CACFD1: variants seen among roughly 807,000 people sequenced by gnomAD.
CACFD1 encodes the protein calcium channel flower domain containing 1.
In CACFD1, 26 loss-of-function variants were observed where a neutral mutation model predicts 21.3. The observed-to-expected ratio is 1.22, with a 90% CI of 0.89 to 1.69. The LOEUF (loss-of-function observed/expected upper bound fraction) is 1.69, where lower values mean the gene tolerates loss of function less well. CACFD1 is among the 40% of genes most tolerant of loss of function. The pLI, the probability that CACFD1 is intolerant of heterozygous loss-of-function variation, is 0.00. For synonymous variants in CACFD1, 121 were observed against 106.6 expected, an observed-to-expected ratio of 1.13 and a Z score of -0.83; for missense variants, 265 against 236.2, an observed-to-expected ratio of 1.12 and a Z score of -0.80.
chr9:133,460,404 C>T (rs1843107798), intron 1 of CACFD1, among the ~76,000 whole-genome samples: 1 of 120,504 alleles, frequency 8.3e-6, no homozygotes. Flanking sequence ...CTTGGTACCC[C>T]GGGCTGGGCT....
rs1554798012 is a variant in CACFD1, at chr9:133,460,191, A to T, written c.121+4A>T. 45 of 1,538,622 alleles carry T rather than the reference A, an allele frequency of 2.9e-5. No individual in the cohort carries two copies. Among genetic ancestry groups the T allele is most frequent in the Non-Finnish European group, 3.8e-5 (44 of 1,143,242 alleles). On this transcript the variant is annotated splice_donor_region_variant and intron_variant, in intron 1 of 4. Coordinates refer to ENST00000316948, the MANE Select transcript of CACFD1 (RefSeq NM_017586.5). Reference sequence around the variant, plus strand: ...TCTGGGGTGCTGGGGGCAGTCTGTGAGTATCCAGTCGGGGAGAGGGGCCGG... The same window carrying T: ...TCTGGGGTGCTGGGGGCAGTCTGTGTGTATCCAGTCGGGGAGAGGGGCCGG...
chr9:133,460,503 GC>G (rs1364236227), intron 1 of CACFD1, among the ~76,000 whole-genome samples: 1 of 148,778 alleles, frequency 6.7e-6, no homozygotes, highest in African/African-American at 2.4e-5. Context: ...CCGGCCTGGG[GC>G]ACGTGACTGA....
rs587626002 is a variant in CACFD1 at position 133,467,847 on chromosome 9, C to G, written c.321-74C>G. 61 of 1,101,736 alleles carry G rather than the reference C, an allele frequency of 5.5e-5. No homozygotes were observed. In the African/African-American group the frequency reaches 8.0e-4, roughly 14 times the overall value. 68.2% of individuals were successfully genotyped at this position (1,101,736 alleles called of 1,614,324 possible). ...TGGGTGTCTAGGAAGGATGCTGGGC[C>G]GAGTCTGGGAAGCGGGGAAGGATGT... On this transcript the variant is annotated intron_variant, in intron 3 of 4. Coordinates refer to ENST00000316948, the MANE Select transcript of CACFD1 (RefSeq NM_017586.5).
Position 133,460,043 on chromosome 9 carries a change from T to G in CACFD1, c.-24T>G. On this transcript the variant is annotated 5_prime_UTR_variant, in exon 1 of 5. Coordinates refer to ENST00000316948, the MANE Select transcript of CACFD1 (RefSeq NM_017586.5). ...GCTACCGAGCCCTTTGTGAGGGCTG[T>G]GAGCTGCGCCTGACGGTGGCACCAT... 1 of 1,543,634 alleles carries G rather than the reference T, an allele frequency of 6.5e-7. No homozygotes were observed. The highest frequency in any genetic ancestry group is 2.5e-5 in the East Asian group (1 of 40,000).
chr9:133,463,567 A>C lies in CACFD1; in HGVS notation c.194+12A>C. The C allele has an allele frequency of 6.2e-7, 1 of 1,613,690 alleles. No individual in the cohort carries two copies. On this transcript the variant is annotated intron_variant, in intron 2 of 4. Transcript: ENST00000316948. ...GGCGTGTGGATGATGTGAGTAATGC[A>C]TGGCCGTCCCACCCCGGGGGTCTTG... is the stretch of plus-strand genomic sequence containing the variant.
At chr9:133,463,098 C>T (rs148989799) in intron 1 of CACFD1, among the ~76,000 whole-genome samples, 3 of 152,360 alleles carry the variant, frequency 2.0e-5, no homozygotes, top group African/African-American at 4.8e-5. Flanking sequence ...AAGGCTGAGT[C>T]TTGGGGGAGC....
In CACFD1 at chr9:133,468,644, G is replaced by A. The variant is rs782144328; in HGVS notation, c.510G>A (p.Gly170=). 1 of 1,576,974 alleles carries A rather than the reference G, an allele frequency of 6.3e-7. No individual in the cohort carries two copies. The highest frequency in any genetic ancestry group is 2.3e-5 in the East Asian group (1 of 43,784). ...AGAAGCTCGCGGAGACCCTGGAGGG[G>A]GAGCTGTGAAGGGCTGGGCGCCCCT... ...DEEKLAETLE[G]EL is the part of the protein sequence containing the mutation. Residue 170 remains glycine, a synonymous_variant, in exon 5 of 5, where the codon GGG becomes GGA. Coordinates refer to ENST00000316948, the MANE Select transcript of CACFD1 (RefSeq NM_017586.5).
Position 133,461,400 on chromosome 9 carries a change from T to C in CACFD1, c.121+1213T>C, listed in dbSNP as rs79504476. Among the ~76,000 whole-genome samples the C allele has an allele frequency of 3.1e-3, 479 of 152,340 alleles. 4 individuals carry two copies. Among genetic ancestry groups the C allele is most frequent in the African/African-American group, 0.011 (442 of 41,572 alleles). ...AAAGGCCCCGAGTTTGTGTCACTGC[T>C]CTTCAGGGCAAGTACGCTTTTGACT... On this transcript the variant is annotated intron_variant, in intron 1 of 4. Coordinates refer to ENST00000316948, the MANE Select transcript of CACFD1 (RefSeq NM_017586.5).
At chr9:133,466,246 C>T (rs1554799533) in intron 3 of CACFD1, among the ~76,000 whole-genome samples, 1 of 152,144 alleles carries the variant, frequency 6.6e-6, no homozygotes, top group Non-Finnish European at 1.5e-5. Context: ...CTTAGGGGTT[C>T]AAAAAACTGT....
chr9:133,460,243 T>TGCCCTGCCCCGCCCC, intron 1 of CACFD1, 56 bp downstream of exon 1: 1 of 1,409,718 alleles, frequency 7.1e-7, no homozygotes. Flanking sequence ...CTCCTCGCCC[T>TGCCCTGCCCCGCCCC]GCCCTGCCCC....
rs782391101 is a variant in CACFD1 at position 133,463,472 on chromosome 9, CTT to C, written c.122-10_122-9del. 192 of 1,613,934 alleles carry C rather than the reference CTT, an allele frequency of 1.2e-4. No individual in the cohort carries two copies. Among genetic ancestry groups the C allele is most frequent in the South Asian group, 3.3e-4 (30 of 91,094 alleles). ...TCCCTGCTGACTCCTGCCCGTGTCT[CTT>C]GTTTCAAGCTTGCGCGATCTCTGGC... is the stretch of plus-strand genomic sequence containing the variant. On this transcript the variant is annotated splice_polypyrimidine_tract_variant and intron_variant, in intron 1 of 4. Coordinates refer to ENST00000316948, the MANE Select transcript of CACFD1 (RefSeq NM_017586.5).
At position 133,468,578 on chromosome 9, in the gene CACFD1, C is replaced by A; in HGVS notation, c.444C>A (p.Ser148=). The A allele has an allele frequency of 6.3e-7, 1 of 1,586,098 alleles. No homozygotes were observed. Among genetic ancestry groups the A allele is most frequent in the African/African-American group, 1.3e-5 (1 of 74,868 alleles). ...SALGKKGDAI[S]YARIQQQRQQ... is the part of the protein sequence containing the mutation. ...CTCTCCCCAGGGGCGATGCGATCTC[C>A]TATGCCAGGATCCAGCAGCAGAGGC... The change falls in exon 5 of 5, where the codon TCC becomes TCA. Residue 148 remains serine, a synonymous_variant. Transcript: ENST00000316948.
intron 3 of CACFD1, among the ~76,000 whole-genome samples, chr9:133,467,050 A>AT (rs2131000990): frequency 6.6e-6 from 1 of 152,158 alleles, no homozygotes; most frequent in South Asian, 2.1e-4. Context: ...TTATTTTATC[A>AT]TTTTGAAATT....
intron 1 of CACFD1, 97 bp downstream of exon 1, chr9:133,460,284 C>T (rs1224554027): frequency 1.0e-5 from 12 of 1,149,472 alleles, no homozygotes; most frequent in Non-Finnish European, 1.4e-5. Flanking sequence ...GGGGAAAGGA[C>T]CCGCTGGGGG....
Position 133,465,266 on chromosome 9 carries a change from C to T in CACFD1, c.195-56C>T. 1.2e-6 allele frequency: 2 copies of T among 1,606,476 alleles called. No homozygotes were observed. The highest frequency in any genetic ancestry group is 1.7e-6 in the Non-Finnish European group (2 of 1,176,164). ...CTTATGGCACTGGCACTGGGGGCCG[C>T]CCTCATCCTCCTGGGATTGTCAGTC... On this transcript the variant is annotated intron_variant, in intron 2 of 4. Transcript: ENST00000316948. This position sits in a 1 kb window ranked among gnomAD's most constrained non-coding sequence, Gnocchi z 5.0.
chr9:133,464,393 G>A (rs999055547), intron 2 of CACFD1, among the ~76,000 whole-genome samples: 1 of 152,200 alleles, frequency 6.6e-6, no homozygotes, highest in Non-Finnish European at 1.5e-5. Flanking sequence ...TGGAGTCGGA[G>A]CCTGGCCGAG....
intron 1 of CACFD1, chr9:133,461,673 G>C (rs1191096825): frequency 6.2e-6 from 1 of 161,690 alleles, no homozygotes; most frequent in Non-Finnish European, 1.3e-5. Flanking sequence ...AGGTACCTCT[G>C]CCTTTCCTGG....
Position 133,465,554 on chromosome 9 carries a change from T to G in CACFD1, c.320+107T>G. ...GTGGGCAGTGTATTCAGTTCCTCTC[T>G]GTGGAAGTGTAAACTGGGATTGCCT... On this transcript the variant is annotated intron_variant, in intron 3 of 4. Transcript: ENST00000316948. The surrounding 1 kb of genome is among the most constrained non-coding windows in gnomAD (Gnocchi z 5.0). 1 of 1,145,290 alleles carries G rather than the reference T, an allele frequency of 8.7e-7. No individual in the cohort carries two copies. Among genetic ancestry groups the G allele is most frequent in the Admixed American group, 2.2e-5 (1 of 44,784 alleles). The allele number at this position is 1,145,290 out of a possible 1,614,324, so 70.9% of individuals were successfully genotyped here.
chr9:133,461,742 G>C (rs1843227412), intron 1 of CACFD1: 1 of 374,792 alleles, frequency 2.7e-6, no homozygotes, highest in East Asian at 1.6e-4. Context: ...TTGTGGCATT[G>C]CCCTGAGTTG....
Sources: allele counts gnomAD v4.1 joint callset (sites outside exome capture counted in the v4.1 genomes callset), GRCh38; gene constraint gnomAD v4.1.1; non-coding constraint Gnocchi (gnomAD v3.1); transcripts MANE v1.5; gene names NCBI Gene and HGNC (gene_info 2026-07-23, HGNC 2026-07-21).